Variants in DAP observed in about 807,000 individuals in gnomAD.
DAP encodes the protein death-associated protein 1.
Under a neutral mutation model 13.8 loss-of-function variants are expected in DAP, and 8 were observed. The observed-to-expected ratio is 0.58, with a 90% CI of 0.34 to 1.05. DAP has a LOEUF of 1.05. DAP is among the 50% of genes least tolerant of loss of function. The pLI, the probability that DAP is intolerant of heterozygous loss-of-function variation, is 0.03. For missense variants in DAP, 106 were observed against 133.2 expected (o/e 0.80, Z 1.01); for synonymous variants, 47 against 47.5 (o/e 0.99, Z 0.04).
At chr5:10,728,780 A>G (rs1739357125) in intron 2 of DAP, among the ~76,000 whole-genome samples, 1 of 152,162 alleles carries the variant, frequency 6.6e-6, no homozygotes, top group African/African-American at 2.4e-5. Context: ...AGATACCCCT[A>G]CGTGGCACCC....
intron 2 of DAP, among the ~76,000 whole-genome samples, chr5:10,691,954 A>G (rs948007229): frequency 2.6e-5 from 4 of 152,284 alleles, no homozygotes; most frequent in African/African-American, 9.6e-5. Flanking sequence ...TATTTTCTAA[A>G]TTTTCTTAAT....
intron 2 of DAP, among the ~76,000 whole-genome samples, chr5:10,718,300 G>A (rs959008299): frequency 6.6e-6 from 1 of 152,080 alleles, no homozygotes; most frequent in Admixed American, 6.5e-5. Flanking sequence ...TGGGTCCAGC[G>A]GGTCCCTGGA....
At chr5:10,701,601 C>CG (rs1553999849) in intron 2 of DAP, among the ~76,000 whole-genome samples, 4 of 3,842 alleles carry the variant, frequency 1.0e-3, no homozygotes, top group East Asian at 5.4e-3. Context: ...TTGAGGGGGA[C>CG]GGGGGGCGGG....
At chr5:10,744,729 G>C (rs534413585) in intron 2 of DAP, among the ~76,000 whole-genome samples, 2 of 152,316 alleles carry the variant, frequency 1.3e-5, no homozygotes, top group South Asian at 2.1e-4. Flanking sequence ...CTCTATAATG[G>C]ACACAGTAAT....
intron 2 of DAP, among the ~76,000 whole-genome samples, chr5:10,728,324 C>T (rs767368340): frequency 2.2e-4 from 33 of 152,068 alleles, no homozygotes; most frequent in Non-Finnish European, 1.0e-4. Context: ...CATTTTCAGT[C>T]TGTATTAGGT....
intron 2 of DAP, among the ~76,000 whole-genome samples, chr5:10,726,317 T>C (rs1361063220): frequency 6.6e-6 from 1 of 152,260 alleles, no homozygotes; most frequent in Non-Finnish European, 1.5e-5. Context: ...CTGAAATGTG[T>C]AGGCTTCACT....
At chr5:10,751,435 TCA>T (rs1740043635) in intron 1 of DAP, among the ~76,000 whole-genome samples, 2 of 152,166 alleles carry the variant, frequency 1.3e-5, no homozygotes, top group Non-Finnish European at 2.9e-5. Context: ...ACACAGGATC[TCA>T]GAGTTATGAA....
intron 2 of DAP, among the ~76,000 whole-genome samples, chr5:10,719,436 G>A (rs1038144310): frequency 1.3e-5 from 2 of 152,302 alleles, no homozygotes; most frequent in Non-Finnish European, 2.9e-5. Flanking sequence ...GGCCCCATAG[G>A]CTAATCACAG....
At chr5:10,755,884 A>T (rs1197351241) in intron 1 of DAP, among the ~76,000 whole-genome samples, 1 of 152,254 alleles carries the variant, frequency 6.6e-6, no homozygotes, top group Non-Finnish European at 1.5e-5. Context: ...GCGGTGGCTC[A>T]TGCCTGGAGT....
At chr5:10,738,337 G>A (rs1263614937) in intron 2 of DAP, among the ~76,000 whole-genome samples, 3 of 152,262 alleles carry the variant, frequency 2.0e-5, no homozygotes, top group Non-Finnish European at 4.4e-5. Context: ...AGATATGTAT[G>A]AATTACAAAG....
Position 10,679,303 on chromosome 5 carries a change from G to A in DAP, c.*1753C>T, listed in dbSNP as rs965513789. 9 of 152,328 alleles carry A rather than the reference G, an allele frequency of 5.9e-5. No individual in the cohort carries two copies. The highest frequency in any genetic ancestry group is 1.3e-4 in the Non-Finnish European group (9 of 68,036). 9.4% of individuals were successfully genotyped at this position (152,328 alleles called of 1,614,324 possible). A position where few individuals can be genotyped will look rare whatever the true frequency, so the allele number is the denominator to read the frequency against. On this transcript the variant is annotated 3_prime_UTR_variant, in exon 4 of 4. Coordinates refer to ENST00000230895, the MANE Select transcript of DAP (RefSeq NM_004394.3). ...GTTAACAACTGATAAACTCATTTAG[G>A]CAAACATTTTGGATTTAATGATCTA...
chr5:10,753,301 C>T (rs1272851668), intron 1 of DAP, among the ~76,000 whole-genome samples: 2 of 152,226 alleles, frequency 1.3e-5, no homozygotes, highest in African/African-American at 2.4e-5. Context: ...GGGTTCCACC[C>T]TTAATCGTAG....
chr5:10,688,472 T>G (rs548253898), intron 2 of DAP, among the ~76,000 whole-genome samples: 48 of 152,340 alleles, frequency 3.2e-4, no homozygotes, highest in African/African-American at 1.1e-3. Flanking sequence ...AACTTTTATA[T>G]GCACTGTGAA....
At chr5:10,710,242 C>A (rs999752484) in intron 2 of DAP, among the ~76,000 whole-genome samples, 1 of 147,978 alleles carries the variant, frequency 6.8e-6, no homozygotes, top group Non-Finnish European at 1.5e-5. Flanking sequence ...CATAAGGAAG[C>A]CTTCACAGCC....
chr5:10,758,647 C>CA (rs149724113), intron 1 of DAP, among the ~76,000 whole-genome samples: 3 of 152,284 alleles, frequency 2.0e-5, no homozygotes, highest in Admixed American at 1.3e-4. Context: ...AACACAGCCC[C>CA]ACCCTGTGAC....
At chr5:10,693,160 AG>A (rs1738348943) in intron 2 of DAP, among the ~76,000 whole-genome samples, 2 of 90,242 alleles carry the variant, frequency 2.2e-5, no homozygotes, top group South Asian at 3.4e-4. Flanking sequence ...ACACGTGCGT[AG>A]TAGTAGTGAA....
intron 2 of DAP, among the ~76,000 whole-genome samples, chr5:10,686,620 C>T (rs1738161731): frequency 6.6e-6 from 1 of 152,212 alleles, no homozygotes; most frequent in Non-Finnish European, 1.5e-5. Flanking sequence ...AAGGCCCTAA[C>T]TCCCTTCAGT....
At chr5:10,724,338 T>A (rs1739229386) in intron 2 of DAP, among the ~76,000 whole-genome samples, 1 of 152,264 alleles carries the variant, frequency 6.6e-6, no homozygotes. Flanking sequence ...AATATGGGAC[T>A]GCTGTTAATT....
intron 1 of DAP, among the ~76,000 whole-genome samples, chr5:10,750,918 T>C (rs1561035268): frequency 1.3e-5 from 2 of 152,136 alleles, no homozygotes; most frequent in African/African-American, 4.8e-5. Flanking sequence ...TGTCTGAAAA[T>C]CCTTTTCAAG....
Sources: gnomAD v4.1 joint callset for allele counts (sites outside exome capture counted in the v4.1 genomes callset) on GRCh38, gnomAD v4.1.1 for gene constraint, MANE v1.5 for transcripts, NCBI Gene and HGNC (gene_info 2026-07-23, HGNC 2026-07-21) for gene names.